Variants in ST8SIA6 observed in about 807,000 individuals in gnomAD.
ST8SIA6 encodes the protein ST8 alpha-N-acetyl-neuraminide alpha-2,8-sialyltransferase 6, also known as alpha-2,8-sialyltransferase 8F.
ST8SIA6 carries 39 observed loss-of-function variants against 33.6 expected under a neutral mutation model. The observed-to-expected ratio is 1.16, with a 90% CI of 0.90 to 1.52. ST8SIA6 has a LOEUF of 1.52. ST8SIA6 is among the 40% of genes most tolerant of loss of function. The pLI is 0.00. For missense variants in ST8SIA6, 441 were observed against 443.8 expected, an observed-to-expected ratio of 0.99 and a Z score of 0.06; for synonymous variants, 172 against 167.2, an observed-to-expected ratio of 1.03 and a Z score of -0.22.
chr10:17,369,841 A>G (rs945083043), intron 3 of ST8SIA6, among the ~76,000 whole-genome samples: 20 of 152,138 alleles, frequency 1.3e-4, no homozygotes, highest in African/African-American at 4.6e-4. Flanking sequence ...ATATCAGTAG[A>G]GCCACTCCAG....
chr10:17,405,938 T>G (rs1373497829), intron 2 of ST8SIA6, among the ~76,000 whole-genome samples: 1 of 151,800 alleles, frequency 6.6e-6, no homozygotes, highest in Non-Finnish European at 1.5e-5. Flanking sequence ...GATTTCAGCT[T>G]CCTCAGGTGC....
chr10:17,379,142 A>C (rs544199839), intron 3 of ST8SIA6, among the ~76,000 whole-genome samples: 3,027 of 146,158 alleles, frequency 0.021, 60 homozygotes, highest in Admixed American at 0.032. Context: ...AAAAACAAAA[A>C]CAAAAAAAAC....
At chr10:17,335,476 G>A (rs1010070508) in intron 4 of ST8SIA6, among the ~76,000 whole-genome samples, 2 of 152,128 alleles carry the variant, frequency 1.3e-5, no homozygotes, top group African/African-American at 2.4e-5. Context: ...GTGAAAAGTA[G>A]GGGTAATATT....
At chr10:17,374,461 TATAGGCCTC>T (rs1849834089) in intron 3 of ST8SIA6, among the ~76,000 whole-genome samples, 1 of 60,338 alleles carries the variant, frequency 1.7e-5, no homozygotes, top group Non-Finnish European at 3.5e-5. Flanking sequence ...TGCCTATGAT[TATAGGCCTC>T]CCAGCACTTT....
At chr10:17,446,602 C>T (rs567506576) in intron 2 of ST8SIA6, among the ~76,000 whole-genome samples, 2 of 152,046 alleles carry the variant, frequency 1.3e-5, no homozygotes, top group Admixed American at 6.5e-5. Context: ...GAGAAGCCAT[C>T]CCAGAAAGCA....
intron 4 of ST8SIA6, among the ~76,000 whole-genome samples, chr10:17,353,721 G>A (rs534946450): frequency 1.3e-5 from 2 of 152,272 alleles, no homozygotes; most frequent in African/African-American, 4.8e-5. Flanking sequence ...CATTTGAAAG[G>A]TATCTCATTT....
intron 2 of ST8SIA6, among the ~76,000 whole-genome samples, chr10:17,421,534 A>G (rs1028614548): frequency 6.6e-6 from 1 of 152,182 alleles, no homozygotes; most frequent in Non-Finnish European, 1.5e-5. Flanking sequence ...CTTAGAATTA[A>G]AAGGATTCAT....
At chr10:17,379,623 C>T (rs377332484) in intron 3 of ST8SIA6, among the ~76,000 whole-genome samples, 6 of 152,270 alleles carry the variant, frequency 3.9e-5, no homozygotes, top group African/African-American at 1.2e-4. Context: ...CACCTATCTG[C>T]GACCTGGAAG....
intron 2 of ST8SIA6, among the ~76,000 whole-genome samples, chr10:17,422,891 T>C (rs756896196): frequency 1.3e-5 from 2 of 152,156 alleles, no homozygotes; most frequent in Non-Finnish European, 2.9e-5. Flanking sequence ...GAGAAGCGAA[T>C]GATAGAAAGG....
intron 4 of ST8SIA6, among the ~76,000 whole-genome samples, chr10:17,343,788 C>T (rs974475276): frequency 3.9e-5 from 6 of 151,988 alleles, no homozygotes; most frequent in African/African-American, 9.7e-5. Context: ...AGAAAGTGCC[C>T]GGAAAGAGAG....
intron 2 of ST8SIA6, among the ~76,000 whole-genome samples, chr10:17,420,369 G>A (rs11254585): frequency 0.014 from 2,131 of 152,160 alleles, 28 homozygotes; most frequent in Middle Eastern, 0.058. Context: ...CTGAGATCAC[G>A]CCACTGCACT....
At chr10:17,390,805 A>AAAAAC (rs139677314) in intron 2 of ST8SIA6, among the ~76,000 whole-genome samples, 185 bp from the exon 3 acceptor site, 20 of 151,632 alleles carry the variant, frequency 1.3e-4, no homozygotes, top group African/African-American at 2.2e-4. Context: ...AAATGAAAAA[A>AAAAAC]AAAACAAAAA....
chr10:17,321,187 A>G lies in ST8SIA6; in HGVS notation c.888T>C (p.Val296=). Residue 296 remains valine, a synonymous_variant, in exon 8 of 8, where the codon GTT becomes GTC. Transcript: ENST00000377602. ...TCAGGTACTTGGGATGGAAAAATAG[A>G]ACCTTTTGTCTTGCTTTAGACTCTT... ...TLEESKARQK[V]LFFHPKYLKD... 6.2e-7 allele frequency: 1 copy of G among 1,614,106 alleles called. No homozygotes were observed. The highest frequency in any genetic ancestry group is 8.5e-7 in the Non-Finnish European group (1 of 1,179,986).
chr10:17,329,403 ATAACT>A (rs113238181), intron 5 of ST8SIA6, among the ~76,000 whole-genome samples: 6,886 of 152,240 alleles, frequency 0.045, 378 homozygotes, highest in African/African-American at 0.12. Flanking sequence ...GATTAAAATG[ATAACT>A]TAATTATGTA....
intron 6 of ST8SIA6, among the ~76,000 whole-genome samples, chr10:17,324,772 C>T (rs929836535): frequency 6.9e-6 from 1 of 144,180 alleles, no homozygotes. Flanking sequence ...TGTACCATAC[C>T]ATGCATGCAT....
chr10:17,431,999 C>G (rs553093110), intron 2 of ST8SIA6, among the ~76,000 whole-genome samples: 15 of 151,412 alleles, frequency 9.9e-5, no homozygotes, highest in Non-Finnish European at 1.9e-4. Flanking sequence ...GGAGAGACAG[C>G]CGGAAGCCGG....
intron 2 of ST8SIA6, among the ~76,000 whole-genome samples, chr10:17,414,328 T>C (rs1444672705): frequency 6.6e-6 from 1 of 152,214 alleles, no homozygotes; most frequent in East Asian, 1.9e-4. Flanking sequence ...TTCAAAATTG[T>C]TATTTATTCT....
intron 2 of ST8SIA6, among the ~76,000 whole-genome samples, chr10:17,408,760 A>G (rs903470710): frequency 4.6e-5 from 7 of 151,778 alleles, no homozygotes; most frequent in Non-Finnish European, 7.4e-5. Flanking sequence ...ATTTTTATTT[A>G]TTTATTTTTT....
intron 2 of ST8SIA6, among the ~76,000 whole-genome samples, chr10:17,406,237 C>G (rs1224555924): frequency 2.6e-5 from 4 of 152,266 alleles, no homozygotes; most frequent in South Asian, 2.1e-4. Flanking sequence ...CTACCCTCCC[C>G]CTATTTTGCA....
Sources: gnomAD v4.1 joint callset for allele counts (sites outside exome capture counted in the v4.1 genomes callset) on GRCh38, gnomAD v4.1.1 for gene constraint, MANE v1.5 for transcripts, NCBI Gene and HGNC (gene_info 2026-07-23, HGNC 2026-07-21) for gene names.